Variants in PTPRN2 observed in about 807,000 individuals in gnomAD.
PTPRN2 encodes the protein receptor-type tyrosine-protein phosphatase N2.
A neutral mutation model predicts 118.8 loss-of-function variants in PTPRN2; 74 were observed. The ratio of observed to expected loss-of-function variants is 0.62; its 90% CI spans 0.52 to 0.76. PTPRN2 has a LOEUF of 0.76. PTPRN2 is among the 30% of genes least tolerant of loss of function. The pLI, the probability that PTPRN2 is intolerant of heterozygous loss-of-function variation, is 0.00. For missense variants in PTPRN2, 1,481 were observed against 1,394.4 expected (o/e 1.06, Z -0.99); for synonymous variants, 641 against 608.0 (o/e 1.05, Z -0.80).
At chr7:158,340,869 A>G (rs1171253457) in intron 2 of PTPRN2, among the ~76,000 whole-genome samples, 4 of 90,828 alleles carry the variant, frequency 4.4e-5, no homozygotes, top group Non-Finnish European at 2.4e-5. Flanking sequence ...GACGTCACTC[A>G]CACCCACACT....
intron 11 of PTPRN2, among the ~76,000 whole-genome samples, chr7:157,991,494 C>A (rs1804247210): frequency 6.6e-6 from 1 of 152,218 alleles, no homozygotes; most frequent in Non-Finnish European, 1.5e-5. Flanking sequence ...ACTCACAGAG[C>A]CCTGGTGGCA....
At chr7:157,720,034 T>A (rs1358233628) in intron 12 of PTPRN2, among the ~76,000 whole-genome samples, 1 of 152,158 alleles carries the variant, frequency 6.6e-6, no homozygotes, top group Non-Finnish European at 1.5e-5. Flanking sequence ...TGGAAACGAC[T>A]CCAATCGACT....
Sources: gnomAD v4.1 joint callset for allele counts (sites outside exome capture counted in the v4.1 genomes callset) on GRCh38, gnomAD v4.1.1 for gene constraint, MANE v1.5 for transcripts, NCBI Gene and HGNC (gene_info 2026-07-23, HGNC 2026-07-21) for gene names.